HEXB: variants seen among roughly 807,000 people sequenced by gnomAD.
HEXB encodes the protein beta-hexosaminidase subunit beta.
In HEXB, 51 loss-of-function variants were observed where a neutral mutation model predicts 71.2. The ratio of observed to expected loss-of-function variants is 0.72; its 90% CI spans 0.57 to 0.90. The LOEUF is 0.90. HEXB is among the 40% of genes least tolerant of loss of function. The probability of loss-of-function intolerance (pLI) is 0.00; values close to 1 mark genes in which losing one functional copy is unlikely to be tolerated. For missense variants in HEXB, 617 were observed against 677.0 expected (o/e 0.91, Z 0.98); for synonymous variants, 266 against 249.3 (o/e 1.07, Z -0.63).
rs1277749842 is a variant in HEXB, at chr5:74,641,210, G to GC, written c.-377+653dup. The GC allele has an allele frequency of 1.3e-5, 2 of 152,608 alleles. No homozygotes were observed. Among genetic ancestry groups the GC allele is most frequent in the Non-Finnish European group, 2.9e-5 (2 of 68,364 alleles). 9.5% of individuals were successfully genotyped at this position (152,608 alleles called of 1,614,324 possible). A position where few individuals can be genotyped will look rare whatever the true frequency, so the allele number is the denominator to read the frequency against. ...TATCCGCAGGACAGGCCCTGGGCAC[G>GC]CATAGACAGCGCCTTGGGTAGGACA... is the stretch of plus-strand genomic sequence containing the variant. On this transcript the variant is annotated intron_variant, in intron 1 of 13. Transcript: ENST00000511181. This position sits in a 1 kb window ranked among gnomAD's most constrained non-coding sequence, Gnocchi z 4.1.
intron 1 of HEXB, among the ~76,000 whole-genome samples, chr5:74,664,853 A>G (rs1748405008): frequency 6.6e-6 from 1 of 152,202 alleles, no homozygotes; most frequent in Non-Finnish European, 1.5e-5. Flanking sequence ...TTACTATGGA[A>G]CTGTTCCTAA....
upstream of HEXB, among the ~76,000 whole-genome samples, chr5:74,683,873 T>C (rs1748786426): frequency 6.7e-6 from 1 of 150,156 alleles, no homozygotes; most frequent in South Asian, 2.1e-4. Flanking sequence ...CAGGCTGGAG[T>C]GCAGAGGTGT....
At chr5:74,704,815 G>A (rs778935198) in intron 5 of HEXB, among the ~76,000 whole-genome samples, 4 of 152,174 alleles carry the variant, frequency 2.6e-5, no homozygotes, top group Non-Finnish European at 5.9e-5. Flanking sequence ...ATTTTAGCCA[G>A]GTGTGGTGGC....
At chr5:74,718,556 A>T (rs1401888918) in intron 10 of HEXB, among the ~76,000 whole-genome samples, 193 bp downstream of exon 10, 1 of 152,194 alleles carries the variant, frequency 6.6e-6, no homozygotes, top group Admixed American at 6.5e-5. Flanking sequence ...TAGTTAACTG[A>T]ACCTATGTGG....
At chr5:74,653,582 T>C (rs1748163315) in intron 1 of HEXB, among the ~76,000 whole-genome samples, 1 of 152,222 alleles carries the variant, frequency 6.6e-6, no homozygotes, top group African/African-American at 2.4e-5. Context: ...CTCTCTTTGC[T>C]TGAATGTACA....
chr5:74,708,369 G>A (rs1749455840), intron 6 of HEXB, among the ~76,000 whole-genome samples: 1 of 151,136 alleles, frequency 6.6e-6, no homozygotes, highest in Non-Finnish European at 1.5e-5. Context: ...AGACTAGGAA[G>A]AAACTGCATC....
chr5:74,696,972 A>T, intron 4 of HEXB, 24 bp from the exon 5 acceptor site: 1 of 1,269,398 alleles, frequency 7.9e-7, no homozygotes, highest in South Asian at 1.2e-5. Flanking sequence ...TCTAAAACTA[A>T]ATCAAAATTT....
chr5:74,696,548 A>G, intron 3 of HEXB, 145 bp from the exon 4 acceptor site: 1 of 570,718 alleles, frequency 1.8e-6, no homozygotes, highest in Non-Finnish European at 3.1e-6. Context: ...GTGTAGGTAT[A>G]ACAATATATT....
chr5:74,661,513 CTGTG>C (rs1179218651), intron 1 of HEXB, among the ~76,000 whole-genome samples: 2,035 of 84,566 alleles, frequency 0.024, 25 homozygotes, highest in African/African-American at 0.031. Context: ...TTCTCTCTCT[CTGTG>C]TGTGTGTGTG....
At chr5:74,653,038 T>A (rs894002024) in intron 1 of HEXB, among the ~76,000 whole-genome samples, 1 of 152,108 alleles carries the variant, frequency 6.6e-6, no homozygotes, top group Non-Finnish European at 1.5e-5. Context: ...GAGGACCCAA[T>A]AGAAAAGTAT....
chr5:74,663,935 G>A (rs1228856626), intron 1 of HEXB, among the ~76,000 whole-genome samples: 1 of 151,942 alleles, frequency 6.6e-6, no homozygotes, highest in Non-Finnish European at 1.5e-5. Context: ...AGACCAGCCT[G>A]GGCAACATAG....
rs1307059437 is a variant in HEXB at position 74,652,294 on chromosome 5, A to G, written c.-377+11736A>G. 2.0e-5 allele frequency among the ~76,000 whole-genome samples: 3 copies of G among 152,204 alleles called. No homozygotes were observed. Among genetic ancestry groups the G allele is most frequent in the South Asian group, 2.1e-4 (1 of 4,830 alleles). ...TGCGTTTGAACTTGTGCAAGAATCC[A>G]GTTATTAAATGGCAGAATCCAGACC... On this transcript the variant is annotated intron_variant, in intron 1 of 13. Transcript: ENST00000511181. The surrounding 1 kb of genome is among the most constrained non-coding windows in gnomAD (Gnocchi z 5.4).
At chr5:74,708,357 C>G (rs942067331) in intron 6 of HEXB, among the ~76,000 whole-genome samples, 1 of 151,544 alleles carries the variant, frequency 6.6e-6, no homozygotes, top group African/African-American at 2.4e-5. Flanking sequence ...TAAAGACCAT[C>G]GAGACTAGGA....
At chr5:74,698,121 A>G (rs1749157531) in intron 5 of HEXB, among the ~76,000 whole-genome samples, 1 of 151,868 alleles carries the variant, frequency 6.6e-6, no homozygotes, top group Non-Finnish European at 1.5e-5. Context: ...CTTGTTGCCC[A>G]GGCTGGAGTG....
At chr5:74,646,847 G>A (rs981112316) in intron 1 of HEXB, among the ~76,000 whole-genome samples, 4 of 152,138 alleles carry the variant, frequency 2.6e-5, no homozygotes, top group Non-Finnish European at 2.9e-5. Flanking sequence ...GATTACAGGC[G>A]TGAGCCACCA....
intron 1 of HEXB, 74 bp downstream of exon 1, chr5:74,685,633 A>C: frequency 7.5e-7 from 1 of 1,330,952 alleles, no homozygotes; most frequent in Non-Finnish European, 1.0e-6. Context: ...CGCTGTGCAG[A>C]CCCTCACCAC....
chr5:74,658,718 C>A (rs959270348), intron 1 of HEXB, among the ~76,000 whole-genome samples: 10 of 152,078 alleles, frequency 6.6e-5, no homozygotes, highest in African/African-American at 2.4e-4. Flanking sequence ...ACTTTTGGAA[C>A]CTTCCTAAAC....
intron 1 of HEXB, among the ~76,000 whole-genome samples, chr5:74,675,839 T>C (rs899798762): frequency 6.6e-6 from 1 of 152,150 alleles, no homozygotes; most frequent in African/African-American, 2.4e-5. Context: ...AGTGGAAAGA[T>C]CTCTCCAGGC....
chr5:74,644,694 T>TA (rs1464853376), intron 1 of HEXB, among the ~76,000 whole-genome samples: 3 of 151,364 alleles, frequency 2.0e-5, no homozygotes, highest in Non-Finnish European at 2.9e-5. Flanking sequence ...CTTTGTGCGT[T>TA]AAAAAAAGTT....
Sources: allele counts gnomAD v4.1 joint callset (sites outside exome capture counted in the v4.1 genomes callset), GRCh38; gene constraint gnomAD v4.1.1; non-coding constraint Gnocchi (gnomAD v3.1); transcripts MANE v1.5; gene names NCBI Gene and HGNC (gene_info 2026-07-23, HGNC 2026-07-21).